Variants in PPFIA1 observed in about 807,000 individuals in gnomAD.
The protein encoded by PPFIA1 is PPFI scaffold protein A1.
PPFIA1 carries 25 observed loss-of-function variants against 149.9 expected under a neutral mutation model. The observed-to-expected ratio is 0.17, with a 90% CI of 0.12 to 0.23. The LOEUF is 0.23. Ranked by LOEUF, PPFIA1 falls within the 10% of genes least tolerant of loss-of-function variation. The pLI, the probability that PPFIA1 is intolerant of heterozygous loss-of-function variation, is 1.00. For missense variants in PPFIA1, 1,362 were observed against 1,506.5 expected (o/e 0.90, Z 1.59); for synonymous variants, 549 against 552.8 (o/e 0.99, Z 0.10).
chr11:70,297,120 C>T (rs1041269242), intron 2 of PPFIA1, among the ~76,000 whole-genome samples: 6 of 152,090 alleles, frequency 3.9e-5, no homozygotes, highest in Non-Finnish European at 8.8e-5. Context: ...AAAACAAAAC[C>T]AGAGAGGCCG....
chr11:70,326,447 A>G lies in PPFIA1; in HGVS notation c.708+84A>G, dbSNP rs1388346160. 2.2e-6 allele frequency: 3 copies of G among 1,364,558 alleles called. No homozygotes were observed. The African/African-American group carries it at 4.4e-5, about 20-fold the overall frequency. 84.5% of individuals were successfully genotyped at this position (1,364,558 alleles called of 1,614,324 possible). A position where few individuals can be genotyped will look rare whatever the true frequency, so the allele number is the denominator to read the frequency against. On this transcript the variant is annotated intron_variant, in intron 6 of 27. Coordinates refer to ENST00000253925, the MANE Select transcript of PPFIA1 (RefSeq NM_003626.5). Reference sequence around the variant, plus strand: ...GGGTTATGTGGAAAACAGTTGCTAAAGTACCGGCTTAGAGCTGAAGTGGTC... The same window carrying G: ...GGGTTATGTGGAAAACAGTTGCTAAGGTACCGGCTTAGAGCTGAAGTGGTC...
At chr11:70,279,936 T>G (rs891007045) in intron 2 of PPFIA1, among the ~76,000 whole-genome samples, 12 of 151,748 alleles carry the variant, frequency 7.9e-5, no homozygotes, top group African/African-American at 2.9e-4. Context: ...TGGGACAGGG[T>G]CTCGCTCTGT....
chr11:70,285,696 C>T (rs1325669918), intron 2 of PPFIA1, among the ~76,000 whole-genome samples: 2 of 148,624 alleles, frequency 1.3e-5, no homozygotes, highest in Non-Finnish European at 1.5e-5. Context: ...AAAAAAAAAA[C>T]CTCTTAACAT....
At chr11:70,334,539 T>TG (rs2054854506) in intron 10 of PPFIA1, 1 of 152,204 alleles carries the variant, frequency 6.6e-6, no homozygotes, top group African/African-American at 2.4e-5. Context: ...ATTTAAATGC[T>TG]GACGGAAAAT....
chr11:70,314,094 G>C (rs1208597742), intron 2 of PPFIA1, among the ~76,000 whole-genome samples: 2 of 152,200 alleles, frequency 1.3e-5, no homozygotes, highest in African/African-American at 4.8e-5. Context: ...GGCCGGATCA[G>C]GCAGGCACAC....
chr11:70,287,985 T>TA (rs2051261724), intron 2 of PPFIA1, among the ~76,000 whole-genome samples: 1 of 152,150 alleles, frequency 6.6e-6, no homozygotes, highest in South Asian at 2.1e-4. Context: ...TTATAAGAGT[T>TA]AAAGTCTAAG....
intron 8 of PPFIA1, among the ~76,000 whole-genome samples, chr11:70,331,601 G>A (rs951944180): frequency 5.3e-5 from 8 of 152,040 alleles, no homozygotes; most frequent in Non-Finnish European, 7.4e-5. Context: ...CCAACATGCC[G>A]AAGTCCTGTC....
In PPFIA1 at chr11:70,278,091, A is replaced by G. The variant is rs185829878; in HGVS notation, c.264+5655A>G. 1.0e-3 allele frequency among the ~76,000 whole-genome samples: 155 copies of G among 151,852 alleles called. 1 individual carries two copies. Among genetic ancestry groups the G allele is most frequent in the African/African-American group, 3.2e-3 (132 of 41,422 alleles). On this transcript the variant is annotated intron_variant, in intron 2 of 27. Transcript: ENST00000253925. ...ACGCCCAGCTAATTTTTGTATTTTT[A>G]GTAGAGAAGGTGTTTCACCATGTTG...
intron 2 of PPFIA1, among the ~76,000 whole-genome samples, chr11:70,299,762 C>A (rs2052349627): frequency 6.6e-6 from 1 of 152,122 alleles, no homozygotes; most frequent in Non-Finnish European, 1.5e-5. Context: ...GGTTTCTTTC[C>A]TGATCCCCCT....
At chr11:70,325,651 G>A in intron 5 of PPFIA1, 77 bp downstream of exon 5, 1 of 1,190,988 alleles carries the variant, frequency 8.4e-7, no homozygotes. Flanking sequence ...GCAGCATAAG[G>A]CCAGACGTGG....
chr11:70,375,100 C>T lies in PPFIA1; in HGVS notation c.3315+7C>T. The T allele has an allele frequency of 1.9e-6, 3 of 1,592,558 alleles. No homozygotes were observed. Among genetic ancestry groups the T allele is most frequent in the Non-Finnish European group, 2.6e-6 (3 of 1,170,712 alleles). On this transcript the variant is annotated splice_region_variant and intron_variant, in intron 24 of 27. Coordinates refer to ENST00000253925, the MANE Select transcript of PPFIA1 (RefSeq NM_003626.5). ...CCCGACGCAGAACACACAGGTGACG[C>T]CAAACCTGTCTGTGTCTGCACTCAT... is the stretch of plus-strand genomic sequence containing the variant.
At chr11:70,332,491 AATTTT>A (rs1177562230) in intron 9 of PPFIA1, among the ~76,000 whole-genome samples, 1 of 152,138 alleles carries the variant, frequency 6.6e-6, no homozygotes, top group Non-Finnish European at 1.5e-5. Context: ...ATTTTTAAGT[AATTTT>A]ATTATTTTGA....
Position 70,374,996 on chromosome 11 carries a change from T to C in PPFIA1, c.3218T>C (p.Ile1073Thr), listed in dbSNP as rs149188477. 28 of 1,613,810 alleles carry C rather than the reference T, an allele frequency of 1.7e-5. No homozygotes were observed. Among genetic ancestry groups the C allele is most frequent in the Middle Eastern group, 1.6e-4 (1 of 6,084 alleles). ...CTTAAAGAATATGCAAACAATCTTA[T>C]AGAGAGTGGTGTTCACGGAGCACTT... ...IGLKEYANNLIESGVHGALLA... is the reference protein window; with the variant it reads ...IGLKEYANNLTESGVHGALLA... Residue 1073 changes from isoleucine to threonine, a missense_variant, in exon 24 of 28, where the codon ATA becomes ACA. This residue lies in a region of PPFIA1 where 349 missense variants were observed against 373.3 expected (regional missense o/e 0.93). Coordinates refer to ENST00000253925, the MANE Select transcript of PPFIA1 (RefSeq NM_003626.5).
intron 2 of PPFIA1, among the ~76,000 whole-genome samples, chr11:70,304,713 C>G (rs1291846947): frequency 1.3e-5 from 2 of 152,074 alleles, no homozygotes; most frequent in African/African-American, 4.8e-5. Flanking sequence ...CTGGACAGTG[C>G]AGAATTGCAT....
At chr11:70,317,554 G>C (rs1392066453) in intron 2 of PPFIA1, among the ~76,000 whole-genome samples, 1 of 152,158 alleles carries the variant, frequency 6.6e-6, no homozygotes, top group Non-Finnish European at 1.5e-5. Context: ...GAAATTCCCT[G>C]TATTCTCTTT....
At position 70,332,025 on chromosome 11, in the gene PPFIA1, A is replaced by C; in HGVS notation, c.1143A>C (p.Thr381=). The part of the protein sequence containing the change: ...LELAEQKLQQ[T]LRKAETLPEV... ...TGGCAGAGCAAAAGCTGCAACAGAC[A>C]CTGAGGAAGGCAGAGACGCTCCCGG... Residue 381 remains threonine, a synonymous_variant, in exon 9 of 28, where the codon ACA becomes ACC. Coordinates refer to ENST00000253925, the MANE Select transcript of PPFIA1 (RefSeq NM_003626.5). 1.2e-6 allele frequency: 2 copies of C among 1,613,372 alleles called. No homozygotes were observed. The highest frequency in any genetic ancestry group is 1.7e-6 in the Non-Finnish European group (2 of 1,179,634).
intron 2 of PPFIA1, among the ~76,000 whole-genome samples, chr11:70,277,656 A>G (rs992853572): frequency 6.6e-6 from 1 of 151,900 alleles, no homozygotes; most frequent in Non-Finnish European, 1.5e-5. Flanking sequence ...ACATCCGGCT[A>G]ATTGTTGTAT....
chr11:70,328,491 T>A lies in PPFIA1; in HGVS notation c.930+1673T>A, dbSNP rs530308655. Among the ~76,000 whole-genome samples the A allele has an allele frequency of 3.3e-5, 5 of 152,358 alleles. No homozygotes were observed. In the South Asian group the frequency reaches 1.0e-3, roughly 32 times the overall value. ...ATGGAGTCTATCATTGATGGGCATT[T>A]AGGTTGATTCCTTGTCTTTGCTGTT... On this transcript the variant is annotated intron_variant, in intron 7 of 27. Transcript: ENST00000253925.
chr11:70,368,429 T>C (rs1321944427), intron 21 of PPFIA1, among the ~76,000 whole-genome samples: 1 of 152,228 alleles, frequency 6.6e-6, no homozygotes, highest in African/African-American at 2.4e-5. Flanking sequence ...ATGGTGTTAG[T>C]TGAGAGTCAC....
Sources: gnomAD v4.1 joint callset for allele counts (sites outside exome capture counted in the v4.1 genomes callset) on GRCh38, gnomAD v4.1.1 for gene constraint, gnomAD v4.1.1 regional missense constraint, MANE v1.5 for transcripts, NCBI Gene and HGNC (gene_info 2026-07-23, HGNC 2026-07-21) for gene names.